Variants in CHRM3 observed in about 807,000 individuals in gnomAD.
CHRM3 encodes the protein muscarinic acetylcholine receptor M3.
CHRM3 carries 11 observed loss-of-function variants against 41.8 expected under a neutral mutation model. The ratio of observed to expected loss-of-function variants is 0.26; its 90% CI spans 0.17 to 0.44. The LOEUF (loss-of-function observed/expected upper bound fraction) is 0.44, where lower values mean the gene tolerates loss of function less well. CHRM3 is among the 20% of genes least tolerant of loss of function. The pLI is 1.00. For missense variants in CHRM3, 571 were observed against 745.4 expected, an observed-to-expected ratio of 0.77 and a Z score of 2.72; for synonymous variants, 297 against 301.4, an observed-to-expected ratio of 0.99 and a Z score of 0.15.
intron 3 of CHRM3, among the ~76,000 whole-genome samples, chr1:239,612,771 G>A (rs1260774412): frequency 6.6e-6 from 1 of 152,130 alleles, no homozygotes. Flanking sequence ...AGGTGGGATG[G>A]ACTCACCAAA....
chr1:239,684,748 G>GAGAAAAAGAAAGAAAGAA (rs1553363710), intron 5 of CHRM3, among the ~76,000 whole-genome samples: 2 of 107,706 alleles, frequency 1.9e-5, no homozygotes, highest in African/African-American at 6.9e-5. Context: ...GAGAAAGAAA[G>GAGAAAAAGAAAGAAAGAA]AGAAAGAAAG....
chr1:239,887,186 T>C (rs72760716), intron 6 of CHRM3, among the ~76,000 whole-genome samples: 13,079 of 152,028 alleles, frequency 0.086, 599 homozygotes, highest in Non-Finnish European at 0.1. Context: ...TGGGAACTCA[T>C]GAGTGCTCAA....
At chr1:239,778,419 C>T (rs909832510) in intron 5 of CHRM3, among the ~76,000 whole-genome samples, 1 of 152,192 alleles carries the variant, frequency 6.6e-6, no homozygotes. Context: ...CTACCACCCT[C>T]TCCCCATATC....
intron 1 of CHRM3, among the ~76,000 whole-genome samples, chr1:239,438,241 A>G (rs1317269101): frequency 1.3e-5 from 2 of 152,208 alleles, no homozygotes; most frequent in African/African-American, 4.8e-5. Flanking sequence ...GATTTACTCT[A>G]TAAAAGTATA....
At position 239,412,895 on chromosome 1, in the gene CHRM3, A is replaced by G. The variant is rs373887023; in HGVS notation, c.-521+25668A>G. On this transcript the variant is annotated intron_variant, in intron 1 of 6. Transcript: ENST00000676153. ...AGAGATGGAGACCAGCCTGGCCAACATGGTGAAACCCGTCTCTACTAAAAA... is the reference window on the plus strand; with the variant it reads ...AGAGATGGAGACCAGCCTGGCCAACGTGGTGAAACCCGTCTCTACTAAAAA... Among the ~76,000 whole-genome samples the G allele has an allele frequency of 9.9e-5, 15 of 152,114 alleles. No individual in the cohort carries two copies. The East Asian group carries it at 2.3e-3, about 24-fold the overall frequency.
intron 4 of CHRM3, among the ~76,000 whole-genome samples, chr1:239,653,666 A>T (rs1244497340): frequency 6.6e-6 from 1 of 152,220 alleles, no homozygotes; most frequent in East Asian, 1.9e-4. Flanking sequence ...AGTAGCAGAA[A>T]ATAAGACACA....
rs111352846 is a variant in CHRM3, at chr1:239,877,729, A to AT, written c.-19-29694dup. Among the ~76,000 whole-genome samples the AT allele has an allele frequency of 6.5e-3, 964 of 149,396 alleles. 10 individuals carry two copies. The highest frequency in any genetic ancestry group is 0.018 in the African/African-American group (733 of 40,732). On this transcript the variant is annotated intron_variant, in intron 6 of 6. Transcript: ENST00000676153. ...TCTTCTCATGAGGGGAAATATTCAG[A>AT]TTTTTTTTTTCTTTCTACAGATAAT...
chr1:239,715,060 G>C (rs1662200599), intron 5 of CHRM3, among the ~76,000 whole-genome samples: 1 of 152,132 alleles, frequency 6.6e-6, no homozygotes, highest in African/African-American at 2.4e-5. Context: ...CAGAGAAAGA[G>C]TGAATTATAA....
At chr1:239,547,816 A>G (rs549894266) in intron 3 of CHRM3, among the ~76,000 whole-genome samples, 2 of 152,356 alleles carry the variant, frequency 1.3e-5, no homozygotes, top group South Asian at 4.1e-4. Context: ...CAGAATTTCA[A>G]AAATGATTAA....
intron 6 of CHRM3, among the ~76,000 whole-genome samples, chr1:239,897,257 G>C (rs1679087834): frequency 6.6e-6 from 1 of 152,112 alleles, no homozygotes; most frequent in Non-Finnish European, 1.5e-5. Flanking sequence ...AGGGAAATCA[G>C]ATGTGTGGAA....
intron 1 of CHRM3, among the ~76,000 whole-genome samples, chr1:239,465,063 G>C (rs2147901856): frequency 6.6e-6 from 1 of 152,146 alleles, no homozygotes; most frequent in African/African-American, 2.4e-5. Flanking sequence ...TTTTTTAGGG[G>C]TCTACAAAAT....
At chr1:239,881,350 G>A (rs1443208822) in intron 6 of CHRM3, among the ~76,000 whole-genome samples, 1 of 149,154 alleles carries the variant, frequency 6.7e-6, no homozygotes, top group Non-Finnish European at 1.5e-5. Flanking sequence ...CCTGTTGCGT[G>A]AGCTGCCACC....
intron 2 of CHRM3, among the ~76,000 whole-genome samples, chr1:239,500,798 G>C (rs1217594982): frequency 6.6e-6 from 1 of 152,144 alleles, no homozygotes; most frequent in African/African-American, 2.4e-5. Context: ...AACCTTGAAT[G>C]TAAGTGGCCT....
intron 4 of CHRM3, among the ~76,000 whole-genome samples, chr1:239,650,618 A>G (rs959681491): frequency 6.6e-6 from 1 of 152,192 alleles, no homozygotes; most frequent in African/African-American, 2.4e-5. Context: ...TTAAAGCCCA[A>G]CAATGTGGCC....
chr1:239,541,654 G>A (rs1367008687), intron 2 of CHRM3, among the ~76,000 whole-genome samples: 3 of 152,088 alleles, frequency 2.0e-5, no homozygotes, highest in South Asian at 2.1e-4. Context: ...TGGGACTACA[G>A]GCGTGTGCCA....
chr1:239,656,465 A>AG (rs1381617879), intron 4 of CHRM3, among the ~76,000 whole-genome samples: 1 of 146,478 alleles, frequency 6.8e-6, no homozygotes, highest in Non-Finnish European at 1.5e-5. Flanking sequence ...TGCTAAAAAA[A>AG]AAAGAAAAAA....
chr1:239,415,817 C>T (rs1393437258), intron 1 of CHRM3, among the ~76,000 whole-genome samples: 1 of 152,148 alleles, frequency 6.6e-6, no homozygotes, highest in Non-Finnish European at 1.5e-5. Flanking sequence ...CATCTAGGCA[C>T]TGAGGATAAT....
intron 6 of CHRM3, among the ~76,000 whole-genome samples, chr1:239,841,734 C>G (rs923580339): frequency 1.3e-5 from 2 of 152,160 alleles, no homozygotes; most frequent in African/African-American, 2.4e-5. Flanking sequence ...GCTTTCAAGG[C>G]ATTAGCATAA....
intron 1 of CHRM3, among the ~76,000 whole-genome samples, chr1:239,485,301 A>C (rs1242533837): frequency 1.3e-5 from 2 of 151,746 alleles, no homozygotes; most frequent in African/African-American, 4.8e-5. Flanking sequence ...GCAAAATCTT[A>C]TTATTATTAT....
Sources: allele counts gnomAD v4.1 joint callset (sites outside exome capture counted in the v4.1 genomes callset), GRCh38; gene constraint gnomAD v4.1.1; transcripts MANE v1.5; gene names NCBI Gene and HGNC (gene_info 2026-07-23, HGNC 2026-07-21).